The following PIGB variants were observed in gnomAD, a reference collection of about 807,000 sequenced individuals.
The protein encoded by PIGB is phosphatidylinositol glycan anchor biosynthesis class B.
A neutral mutation model predicts 68.4 loss-of-function variants in PIGB; 58 were observed. The ratio of observed to expected loss-of-function variants is 0.85; its 90% CI spans 0.69 to 1.06. The LOEUF (loss-of-function observed/expected upper bound fraction) is 1.06. Among genes scored for constraint, PIGB ranks in the 50% least tolerant of loss-of-function variants. The pLI, the probability that PIGB is intolerant of heterozygous loss-of-function variation, is 0.00. For missense variants in PIGB, 634 were observed against 655.8 expected (o/e 0.97, Z 0.36); for synonymous variants, 219 against 220.5 (o/e 0.99, Z 0.06).
chr15:55,320,366 T>A lies in PIGB; in HGVS notation c.255T>A (p.Asp85Glu), dbSNP rs960070375. The A allele has an allele frequency of 5.0e-6, 8 of 1,613,514 alleles. No individual in the cohort carries two copies. In the African/African-American group the frequency reaches 1.1e-4, roughly 22 times the overall value. The change falls in exon 2 of 12, where the codon GAT (aspartate) becomes GAA (glutamate). Residue 85 changes from aspartate to glutamate, a missense_variant. Transcript: ENST00000164305. ...CFLVQTSFVPDEYWQSLEVSH... is the reference protein window; with the variant it reads ...CFLVQTSFVPEEYWQSLEVSH... ...TAGTGCAGACAAGTTTTGTTCCAGA[T>A]GAATACTGGCAGTCTCTTGAAGTTT...
rs1217405225 is a variant in PIGB at position 55,341,813 on chromosome 15, T to C, written c.1123+11T>C. 4 of 1,280,938 alleles carry C rather than the reference T, an allele frequency of 3.1e-6. No individual in the cohort carries two copies. Among genetic ancestry groups the C allele is most frequent in the Non-Finnish European group, 4.2e-6 (4 of 951,206 alleles). The allele number at this position is 1,280,938 out of a possible 1,614,324, so 79.3% of individuals were successfully genotyped here. A position where few individuals can be genotyped will look rare whatever the true frequency, so the allele number is the denominator to read the frequency against. On this transcript the variant is annotated intron_variant, in intron 9 of 11. Transcript: ENST00000164305. ...GTATGGTGTTCTGTGGTAAGTGCTTTTGTTTGTTATAGAAAATAAATTATA... is the reference window on the plus strand; with the variant it reads ...GTATGGTGTTCTGTGGTAAGTGCTTCTGTTTGTTATAGAAAATAAATTATA...
Position 55,321,375 on chromosome 15 carries a change from T to C in PIGB, c.402T>C (p.Asp134=). The change falls in exon 3 of 12, where the codon GAT becomes GAC. Residue 134 remains aspartate, a synonymous_variant. Transcript: ENST00000164305. ...AGATTCTTCATCTTTTAGGGAAAGA[T>C]AGTGTTCAGTTGCTGGTAAGTTTAA... ...IYKILHLLGK[D]SVQLLIWIPR... The C allele has an allele frequency of 1.2e-6, 2 of 1,600,766 alleles. No homozygotes were observed. The highest frequency in any genetic ancestry group is 1.3e-5 in the African/African-American group (1 of 74,800).
At chr15:55,340,864 T>C in intron 8 of PIGB, 41 bp downstream of exon 8, 1 of 1,248,106 alleles carries the variant, frequency 8.0e-7, no homozygotes, top group South Asian at 1.4e-5. Context: ...TTTTTTATGT[T>C]ACCAAGAAAT....
intron 7 of PIGB, among the ~76,000 whole-genome samples, chr15:55,339,553 T>C (rs1307622106): frequency 6.6e-6 from 1 of 152,256 alleles, no homozygotes; most frequent in Non-Finnish European, 1.5e-5. Flanking sequence ...GAGCACTGAA[T>C]GTTACCTGTT....
chr15:55,319,863 T>A (rs2055122920), intron 1 of PIGB: 1 of 178,534 alleles, frequency 5.6e-6, no homozygotes, highest in African/African-American at 2.4e-5. Flanking sequence ...ATAATAGTAA[T>A]CATCAATATA....
chr15:55,336,703 A>G (rs958125242), intron 6 of PIGB, among the ~76,000 whole-genome samples: 8 of 152,200 alleles, frequency 5.3e-5, no homozygotes, highest in Non-Finnish European at 8.8e-5. Context: ...AAAGTGTTCT[A>G]GTGGTTGGGC....
chr15:55,337,162 A>G (rs1054698329), intron 6 of PIGB, among the ~76,000 whole-genome samples: 10 of 152,244 alleles, frequency 6.6e-5, no homozygotes, highest in Admixed American at 1.3e-4. Context: ...AAACAAAGTA[A>G]AGCCACCATG....
At chr15:55,337,825 A>G (rs1210690628) in intron 6 of PIGB, among the ~76,000 whole-genome samples, 3 of 152,236 alleles carry the variant, frequency 2.0e-5, no homozygotes, top group Non-Finnish European at 4.4e-5. Flanking sequence ...CATAGTTACA[A>G]TACACAGTAT....
At chr15:55,341,601 A>G (rs1349731549) in intron 8 of PIGB, 137 bp from the exon 9 acceptor site, 2 of 308,562 alleles carry the variant, frequency 6.5e-6, no homozygotes, top group East Asian at 1.2e-4. Flanking sequence ...TGAATTTCTG[A>G]AGCAAGAAAT....
At chr15:55,321,642 CTTTCT>C (rs1342570813) in intron 3 of PIGB, among the ~76,000 whole-genome samples, 1 of 106,312 alleles carries the variant, frequency 9.4e-6, no homozygotes, top group Non-Finnish European at 1.9e-5. Context: ...AAGTATACTT[CTTTCT>C]TTTTTTTTTT....
At chr15:55,331,651 T>C (rs1199835286) in intron 5 of PIGB, among the ~76,000 whole-genome samples, 2 of 151,950 alleles carry the variant, frequency 1.3e-5, no homozygotes, top group Non-Finnish European at 2.9e-5. Context: ...AGGCAGGGGT[T>C]GCAGTCAGTC....
intron 10 of PIGB, among the ~76,000 whole-genome samples, chr15:55,351,283 A>G (rs1008392038): frequency 3.3e-5 from 5 of 151,146 alleles, no homozygotes; most frequent in Non-Finnish European, 5.9e-5. Context: ...AATTTTTTCT[A>G]TTTTTAGTAG....
Position 55,355,197 on chromosome 15 carries a change from A to C in PIGB, c.1519-89A>C. The C allele has an allele frequency of 2.8e-6, 3 of 1,065,638 alleles. No individual in the cohort carries two copies. In the East Asian group the frequency reaches 7.4e-5, roughly 26 times the overall value. The allele number at this position is 1,065,638 out of a possible 1,614,324, so 66.0% of individuals were successfully genotyped here. A position where few individuals can be genotyped will look rare whatever the true frequency, so the allele number is the denominator to read the frequency against. ...TTTTATTAAGCAAAAAGTTGTAGAC[A>C]GCAATTAGAATAGGCAATTCTAAAA... On this transcript the variant is annotated intron_variant, in intron 11 of 11. Transcript: ENST00000164305.
In PIGB at chr15:55,355,575, T is replaced by A. The variant is rs1023773442; in HGVS notation, c.*143T>A. The A allele has an allele frequency of 5.1e-6, 3 of 592,610 alleles. No individual in the cohort carries two copies. The highest frequency in any genetic ancestry group is 8.7e-6 in the Non-Finnish European group (3 of 345,160). The allele number at this position is 592,610 out of a possible 1,614,324, so 36.7% of individuals were successfully genotyped here. A position where few individuals can be genotyped will look rare whatever the true frequency, so the allele number is the denominator to read the frequency against. On this transcript the variant is annotated 3_prime_UTR_variant, in exon 12 of 12. Coordinates refer to ENST00000164305, the MANE Select transcript of PIGB (RefSeq NM_004855.5). Reference sequence around the variant, plus strand: ...CAAATATCACTACTGAGGAAATGTATAAAATACCACATAGTATAAAATTAC... The same window carrying A: ...CAAATATCACTACTGAGGAAATGTAAAAAATACCACATAGTATAAAATTAC...
intron 10 of PIGB, among the ~76,000 whole-genome samples, chr15:55,352,956 A>G (rs76566492): frequency 0.049 from 7,408 of 152,180 alleles, 570 homozygotes; most frequent in African/African-American, 0.17. Flanking sequence ...AAAAATGGAG[A>G]TCCTAGCAAA....
chr15:55,320,232 C>A, intron 1 of PIGB, 43 bp from the exon 2 acceptor site: 1 of 1,590,752 alleles, frequency 6.3e-7, no homozygotes, highest in Non-Finnish European at 8.6e-7. Context: ...GTGGAACTGC[C>A]TGACTTTTGT....
In PIGB at chr15:55,339,296, T is replaced by C; in HGVS notation, c.824T>C (p.Ile275Thr). 7 of 1,553,100 alleles carry C rather than the reference T, an allele frequency of 4.5e-6. No homozygotes were observed. The highest frequency in any genetic ancestry group is 6.1e-6 in the Non-Finnish European group (7 of 1,147,454). ...GTTACTTTGAGTTTGTCTCTGATGATTGATCGTATTTTTTTTGGCCAAGTA... is the reference window on the plus strand; with the variant it reads ...GTTACTTTGAGTTTGTCTCTGATGACTGATCGTATTTTTTTTGGCCAAGTA... ...GFVTLSLSLM[I>T]DRIFFGQWTL... The change falls in exon 7 of 12, where the codon ATT becomes ACT. Residue 275 changes from isoleucine (I) to threonine (T), a missense_variant. By Grantham distance (89) the Ile-to-Thr change is moderately conservative. Transcript: ENST00000164305.
chr15:55,351,658 T>G (rs1595806174), intron 10 of PIGB: 2 of 151,252 alleles, frequency 1.3e-5, no homozygotes, highest in African/African-American at 4.8e-5. Flanking sequence ...GATCACAAGG[T>G]CAGAAGATCG....
At chr15:55,320,247 C>T (rs761059509) in intron 1 of PIGB, 28 bp from the exon 2 acceptor site, 44 of 1,603,694 alleles carry the variant, frequency 2.7e-5, no homozygotes, top group Non-Finnish European at 3.3e-5. Context: ...TTTTGTGCCA[C>T]TATTACCTGT....
Sources: allele counts gnomAD v4.1 joint callset (sites outside exome capture counted in the v4.1 genomes callset), GRCh38; gene constraint gnomAD v4.1.1; transcripts MANE v1.5; gene names NCBI Gene and HGNC (gene_info 2026-07-23, HGNC 2026-07-21).